Variants in RBMS2 observed in about 807,000 individuals in gnomAD.
The protein encoded by RBMS2 is RNA binding motif single stranded interacting protein 2, also known as RNA-binding motif, single-stranded-interacting protein 2.
In RBMS2, 38 loss-of-function variants were observed where a neutral mutation model predicts 58.4. The ratio of observed to expected loss-of-function variants is 0.65; its 90% confidence interval spans 0.50 to 0.85. The LOEUF (loss-of-function observed/expected upper bound fraction) is 0.85, where lower values mean the gene tolerates loss of function less well. Among genes scored for constraint, RBMS2 ranks in the 40% least tolerant of loss-of-function variants. The probability of loss-of-function intolerance (pLI) is 0.00; values close to 1 mark genes in which losing one functional copy is unlikely to be tolerated. For synonymous variants in RBMS2, 151 were observed against 180.7 expected (o/e 0.84, Z 1.32); for missense variants, 367 against 503.7 (o/e 0.73, Z 2.60).
chr12:56,528,120 G>C (rs1873011852), intron 1 of RBMS2, among the ~76,000 whole-genome samples: 1 of 151,962 alleles, frequency 6.6e-6, no homozygotes, highest in African/African-American at 2.4e-5. Flanking sequence ...ATGGTGGTGT[G>C]TGCCTGTCGT....
At chr12:56,575,721 C>T (rs2136509042) in intron 5 of RBMS2, among the ~76,000 whole-genome samples, 1 of 151,998 alleles carries the variant, frequency 6.6e-6, no homozygotes, top group Middle Eastern at 3.4e-3. Flanking sequence ...GTGGAAAAAC[C>T]CCGTCTCTAC....
chr12:56,563,664 G>A (rs1200897589), intron 2 of RBMS2, among the ~76,000 whole-genome samples: 1 of 152,102 alleles, frequency 6.6e-6, no homozygotes, highest in East Asian at 1.9e-4. Flanking sequence ...TGGGCCGGGC[G>A]TGGTGGCTCA....
At chr12:56,564,367 C>T (rs536944576) in intron 2 of RBMS2, among the ~76,000 whole-genome samples, 84 of 152,172 alleles carry the variant, frequency 5.5e-4, no homozygotes, top group African/African-American at 1.8e-3. Flanking sequence ...GCTCATGTCC[C>T]TACGCTTTTT....
chr12:56,527,520 G>A (rs799260), intron 1 of RBMS2, among the ~76,000 whole-genome samples: 19,171 of 152,094 alleles, frequency 0.13, 1,437 homozygotes, highest in Middle Eastern at 0.18. Context: ...GCTGAGGCAG[G>A]AGAATTGCTG....
intron 1 of RBMS2, among the ~76,000 whole-genome samples, chr12:56,547,310 G>A (rs193223429): frequency 4.0e-5 from 6 of 151,854 alleles, no homozygotes; most frequent in Admixed American, 2.0e-4. Context: ...AGCTGAGATC[G>A]CACCACTGCA....
At chr12:56,563,794 T>C (rs1880858086) in intron 2 of RBMS2, among the ~76,000 whole-genome samples, 1 of 151,722 alleles carries the variant, frequency 6.6e-6, no homozygotes, top group Non-Finnish European at 1.5e-5. Flanking sequence ...AGTAAAAATA[T>C]ATATTAAAAA....
Position 56,595,935 on chromosome 12 carries a change from A to G in RBMS2, c.*6802A>G, listed in dbSNP as rs571119877. On this transcript the variant is annotated 3_prime_UTR_variant, in exon 14 of 14. Coordinates refer to ENST00000262031, the MANE Select transcript of RBMS2 (RefSeq NM_002898.4). ...AATACACAGAGTCTTTTGAATCTCT[A>G]TCAAATGTGGTTTTTTTTATTCAAC... is the stretch of plus-strand genomic sequence containing the variant. 6 of 40,272 alleles carry G rather than the reference A, an allele frequency of 1.5e-4. No homozygotes were observed. Among genetic ancestry groups the G allele is most frequent in the South Asian group, 1.3e-3 (1 of 794 alleles). 2.5% of individuals were successfully genotyped at this position (40,272 alleles called of 1,614,324 possible). A position where few individuals can be genotyped will look rare whatever the true frequency, so the allele number is the denominator to read the frequency against.
At chr12:56,573,744 G>A (rs1405678744) in intron 5 of RBMS2, among the ~76,000 whole-genome samples, 7 of 149,606 alleles carry the variant, frequency 4.7e-5, no homozygotes, top group Non-Finnish European at 8.9e-5. Context: ...TAACTGAATG[G>A]TCCACACTTT....
At position 56,571,769 on chromosome 12, in the gene RBMS2, G is replaced by A. The variant is rs770674915; in HGVS notation, c.456G>A (p.Glu152=). Residue 152 remains glutamate, a synonymous_variant, in exon 5 of 14, where the codon GAG becomes GAA. Coordinates refer to ENST00000262031, the MANE Select transcript of RBMS2 (RefSeq NM_002898.4). Reference sequence around the variant, plus strand: ...TGTCAATGGATGAGCAGGAACTGGAGGGGATGCTGAAGCCCTTTGGCCAGG... The same window carrying A: ...TGTCAATGGATGAGCAGGAACTGGAAGGGATGCTGAAGCCCTTTGGCCAGG... The part of the protein sequence containing the change: ...LPLSMDEQEL[E]GMLKPFGQVI... 5.6e-6 allele frequency: 9 copies of A among 1,603,652 alleles called. No individual in the cohort carries two copies. Among genetic ancestry groups the A allele is most frequent in the Admixed American group, 1.7e-5 (1 of 58,742 alleles).
At chr12:56,522,270 G>T (rs1186015822) in intron 1 of RBMS2, among the ~76,000 whole-genome samples, 181 bp downstream of exon 1, 1 of 151,710 alleles carries the variant, frequency 6.6e-6, no homozygotes, top group South Asian at 2.1e-4. Context: ...ACTGGTTCTG[G>T]AGTTCAGGGA....
intron 1 of RBMS2, among the ~76,000 whole-genome samples, chr12:56,522,609 C>G (rs1013090523): frequency 1.3e-5 from 2 of 152,098 alleles, no homozygotes; most frequent in Non-Finnish European, 1.5e-5. Flanking sequence ...CAGATCCTAC[C>G]CCACCCAGCC....
chr12:56,586,758 A>C (rs1048848640), intron 9 of RBMS2, 91 bp from the exon 10 acceptor site: 3 of 1,127,770 alleles, frequency 2.7e-6, no homozygotes, highest in Non-Finnish European at 4.0e-6. Flanking sequence ...TGGGGCATTC[A>C]AACTTTTCTG....
intron 1 of RBMS2, among the ~76,000 whole-genome samples, chr12:56,545,671 A>G (rs1877029381): frequency 6.6e-6 from 1 of 152,176 alleles, no homozygotes; most frequent in Admixed American, 6.6e-5. Flanking sequence ...TATAGATGGA[A>G]TCATGCAACA....
intron 1 of RBMS2, among the ~76,000 whole-genome samples, chr12:56,559,377 G>A (rs1249753459): frequency 6.6e-6 from 1 of 151,428 alleles, no homozygotes; most frequent in South Asian, 2.1e-4. Flanking sequence ...TGGTAGAAAC[G>A]GGGTTTCACC....
At chr12:56,553,119 G>A (rs59289694) in intron 1 of RBMS2, among the ~76,000 whole-genome samples, 1 of 151,812 alleles carries the variant, frequency 6.6e-6, no homozygotes, top group African/African-American at 2.4e-5. Context: ...GTTTCACTAT[G>A]TTGGCCAAGC....
rs1885706152 is a variant in RBMS2, at chr12:56,595,607, G to A, written c.*6474G>A. ...AATAAAACACAAAAGTCTACGTCTTGGTGTCTTATCCGTGAGTGGGAAGTG... is the reference window on the plus strand; with the variant it reads ...AATAAAACACAAAAGTCTACGTCTTAGTGTCTTATCCGTGAGTGGGAAGTG... On this transcript the variant is annotated 3_prime_UTR_variant, in exon 14 of 14. Transcript: ENST00000262031. The A allele has an allele frequency of 6.6e-6, 1 of 151,286 alleles. No individual in the cohort carries two copies. Among genetic ancestry groups the A allele is most frequent in the African/African-American group, 2.4e-5 (1 of 41,092 alleles). 9.4% of individuals were successfully genotyped at this position (151,286 alleles called of 1,614,324 possible).
At chr12:56,552,546 C>T (rs1878459652) in intron 1 of RBMS2, among the ~76,000 whole-genome samples, 1 of 152,092 alleles carries the variant, frequency 6.6e-6, no homozygotes, top group Non-Finnish European at 1.5e-5. Context: ...GGTAGGATAA[C>T]TGAGATGGTA....
intron 2 of RBMS2, among the ~76,000 whole-genome samples, chr12:56,566,615 C>T (rs541620164): frequency 2.6e-5 from 4 of 152,052 alleles, no homozygotes; most frequent in Admixed American, 6.5e-5. Flanking sequence ...GTCAGGAGTT[C>T]GAGACCAGCC....
chr12:56,559,679 G>A lies in RBMS2; in HGVS notation c.67-2738G>A, dbSNP rs1483293136. Reference sequence around the variant, plus strand: ...ATTCTGGCTAACACGGTGAAACTCCGTCTCTACTAAAAATACAAAAAATTA... The same window carrying A: ...ATTCTGGCTAACACGGTGAAACTCCATCTCTACTAAAAATACAAAAAATTA... On this transcript the variant is annotated intron_variant, in intron 1 of 13. Coordinates refer to ENST00000262031, the MANE Select transcript of RBMS2 (RefSeq NM_002898.4). Among the ~76,000 whole-genome samples the A allele has an allele frequency of 6.7e-5, 10 of 148,832 alleles. No individual in the cohort carries two copies. The South Asian group carries it at 1.7e-3, about 26-fold the overall frequency.
Sources: gnomAD v4.1 joint callset for allele counts (sites outside exome capture counted in the v4.1 genomes callset) on GRCh38, gnomAD v4.1.1 for gene constraint, MANE v1.5 for transcripts, NCBI Gene and HGNC (gene_info 2026-07-23, HGNC 2026-07-21) for gene names.